Variants in NRXN3 observed in about 807,000 individuals in gnomAD.
NRXN3 encodes the protein neurexin 3.
A neutral mutation model predicts 137.6 loss-of-function variants in NRXN3; 32 were observed. That is an observed-to-expected ratio of 0.23 (90% confidence interval 0.18 to 0.31). The LOEUF (loss-of-function observed/expected upper bound fraction) is 0.31, where lower values mean the gene tolerates loss of function less well. Among genes scored for constraint, NRXN3 ranks in the 10% least tolerant of loss-of-function variants. The probability of loss-of-function intolerance (pLI) is 1.00; values close to 1 mark genes in which losing one functional copy is unlikely to be tolerated. For synonymous variants in NRXN3, 798 were observed against 784.5 expected, an observed-to-expected ratio of 1.02 and a Z score of -0.29; for missense variants, 1,574 against 2,062.5, an observed-to-expected ratio of 0.76 and a Z score of 4.59.
chr14:78,656,243 A>G (rs1205687803), intron 6 of NRXN3, among the ~76,000 whole-genome samples: 1 of 152,232 alleles, frequency 6.6e-6, no homozygotes, highest in Non-Finnish European at 1.5e-5. Context: ...TGCAATAAAT[A>G]GCAGTTAATG....
rs7152660 is a variant in NRXN3 at position 79,614,068 on chromosome 14, A to G, written c.3445-49710A>G. On this transcript the variant is annotated intron_variant, in intron 16 of 20. Coordinates refer to ENST00000335750, the MANE Select transcript of NRXN3 (RefSeq NM_001330195.2). ...CTGACTGCCAGCACAGTTATCTGCT[A>G]TGGTTGTTAGAAACTTTAGAAAGAA... Among the ~76,000 whole-genome samples the G allele has an allele frequency of 9.4e-3, 1,436 of 152,350 alleles. 18 individuals carry two copies. Among genetic ancestry groups the G allele is most frequent in the African/African-American group, 0.033 (1,376 of 41,576 alleles).
In NRXN3 at chr14:78,243,785, G is replaced by T. The variant is rs1485357525; in HGVS notation, c.692G>T (p.Gly231Val). ...GACTGTTCTACCACTGGCTATGGTG[G>T]CAAGCTCTGCTCAGAAGGTAAGACC... ...TCDCSTTGYG[G>V]KLCSEDVSQD... is the part of the protein sequence containing the mutation. Residue 231 changes from glycine (G) to valine (V), a missense_variant, in exon 2 of 21, where the codon GGC becomes GTC. Coordinates refer to ENST00000335750, the MANE Select transcript of NRXN3 (RefSeq NM_001330195.2). This position sits in a 1 kb window ranked among gnomAD's most constrained non-coding sequence, Gnocchi z 4.2. The T allele has an allele frequency of 4.4e-6, 7 of 1,585,640 alleles. No homozygotes were observed. In the South Asian group the frequency reaches 7.9e-5, roughly 18 times the overall value.
At chr14:79,608,749 T>A (rs147145075) in intron 16 of NRXN3, among the ~76,000 whole-genome samples, 1 of 152,238 alleles carries the variant, frequency 6.6e-6, no homozygotes, top group East Asian at 1.9e-4. Flanking sequence ...TCCAAAGACA[T>A]GTAAACTGAA....
chr14:79,267,432 C>A (rs113861375), intron 15 of NRXN3, among the ~76,000 whole-genome samples: 6,332 of 150,788 alleles, frequency 0.042, 348 homozygotes, highest in African/African-American at 0.12. Context: ...AATCTTGGCT[C>A]ACTGCAACCT....
At chr14:79,295,432 G>A (rs1026752244) in intron 15 of NRXN3, among the ~76,000 whole-genome samples, 14 of 152,118 alleles carry the variant, frequency 9.2e-5, no homozygotes, top group African/African-American at 3.4e-4. Flanking sequence ...TCTTTCAAAT[G>A]TCTCTCCAGC....
At chr14:79,501,762 T>C (rs2096828389) in intron 16 of NRXN3, among the ~76,000 whole-genome samples, 1 of 148,182 alleles carries the variant, frequency 6.7e-6, no homozygotes, top group South Asian at 2.1e-4. Context: ...AAAAAAAGCA[T>C]GTTAGACGAG....
intron 10 of NRXN3, among the ~76,000 whole-genome samples, chr14:78,829,017 G>A (rs185313413): frequency 6.6e-6 from 1 of 152,088 alleles, no homozygotes; most frequent in East Asian, 1.9e-4. Context: ...GTCTTGGAAG[G>A]GTTTGGGAAA....
intron 2 of NRXN3, among the ~76,000 whole-genome samples, chr14:78,269,743 C>A (rs1029754394): frequency 5.9e-5 from 9 of 152,294 alleles, no homozygotes; most frequent in African/African-American, 1.7e-4. Flanking sequence ...TTCTAAGACA[C>A]TTTATTTTGT....
intron 17 of NRXN3, among the ~76,000 whole-genome samples, chr14:79,691,701 G>A (rs1373939765): frequency 2.0e-5 from 3 of 151,990 alleles, no homozygotes; most frequent in Non-Finnish European, 4.4e-5. Context: ...CACTTGAGAG[G>A]AGAAGAAAAG....
intron 4 of NRXN3, among the ~76,000 whole-genome samples, chr14:78,568,770 C>T (rs2096859989): frequency 6.6e-6 from 1 of 152,022 alleles, no homozygotes; most frequent in Non-Finnish European, 1.5e-5. Flanking sequence ...CATCATGTGG[C>T]AAATGTGTCA....
At chr14:78,393,770 A>G (rs1171385838) in intron 4 of NRXN3, among the ~76,000 whole-genome samples, 2 of 151,984 alleles carry the variant, frequency 1.3e-5, no homozygotes, top group African/African-American at 2.4e-5. Context: ...ATTTATTAAG[A>G]CCTTCTTTGA....
intron 15 of NRXN3, among the ~76,000 whole-genome samples, chr14:79,213,970 A>T (rs1478021639): frequency 6.6e-6 from 1 of 152,252 alleles, no homozygotes; most frequent in Non-Finnish European, 1.5e-5. Context: ...TTCCTTTCAG[A>T]GGCAATTCAT....
chr14:79,149,835 A>G (rs943813619), intron 15 of NRXN3, among the ~76,000 whole-genome samples: 4 of 152,072 alleles, frequency 2.6e-5, no homozygotes, highest in African/African-American at 9.7e-5. Context: ...GGAGGGGAAT[A>G]ACAAACAGTG....
chr14:78,536,980 C>T (rs2096542434), intron 4 of NRXN3, among the ~76,000 whole-genome samples: 1 of 152,118 alleles, frequency 6.6e-6, no homozygotes, highest in African/African-American at 2.4e-5. Context: ...TGTATATGTG[C>T]CACATTTTCT....
chr14:79,691,785 G>C (rs1179943461), intron 17 of NRXN3, among the ~76,000 whole-genome samples: 1 of 152,016 alleles, frequency 6.6e-6, no homozygotes, highest in Admixed American at 6.6e-5. Context: ...TGGAGCGAGG[G>C]TCCCGTCTCA....
At chr14:78,802,186 G>A (rs11159383) in intron 8 of NRXN3, among the ~76,000 whole-genome samples, 112,782 of 152,232 alleles carry the variant, frequency 0.74, 45,855 homozygotes, top group Non-Finnish European at 0.91. Context: ...ACATCATAGT[G>A]TTTCAAAACA....
At chr14:79,372,564 C>A (rs898788919) in intron 15 of NRXN3, among the ~76,000 whole-genome samples, 19 of 152,060 alleles carry the variant, frequency 1.2e-4, no homozygotes, top group Non-Finnish European at 2.8e-4. Context: ...TGTTGTCTAC[C>A]ACTGGCTCTT....
intron 4 of NRXN3, among the ~76,000 whole-genome samples, chr14:78,492,246 C>T (rs2095682768): frequency 6.6e-6 from 1 of 152,132 alleles, no homozygotes; most frequent in South Asian, 2.1e-4. Flanking sequence ...TGCAGTGGTA[C>T]ATCTTAGTGC....
chr14:78,796,933 CAGG>C (rs2098823737), intron 8 of NRXN3, among the ~76,000 whole-genome samples: 1 of 152,038 alleles, frequency 6.6e-6, no homozygotes, highest in African/African-American at 2.4e-5. Flanking sequence ...TCAAGGGTGA[CAGG>C]AGGATAATTT....
Sources: gnomAD v4.1 joint callset for allele counts (sites outside exome capture counted in the v4.1 genomes callset) on GRCh38, gnomAD v4.1.1 for gene constraint, Gnocchi (gnomAD v3.1) non-coding constraint, MANE v1.5 for transcripts, NCBI Gene and HGNC (gene_info 2026-07-23, HGNC 2026-07-21) for gene names.